PHF8: variants seen among roughly 807,000 people sequenced by gnomAD.
PHF8 encodes the protein PHD finger protein 8.
Under a neutral mutation model 74.4 loss-of-function variants are expected in PHF8, and 9 were observed. The ratio of observed to expected loss-of-function variants is 0.12; its 90% CI spans 0.07 to 0.21. PHF8 has a LOEUF of 0.21. PHF8 is among the 10% of genes least tolerant of loss of function. The pLI is 1.00. For missense variants in PHF8, 478 were observed against 816.6 expected, an observed-to-expected ratio of 0.59 and a Z score of 5.05; for synonymous variants, 311 against 316.6, an observed-to-expected ratio of 0.98 and a Z score of 0.19.
intron 9 of PHF8, 87 bp downstream of exon 9, chrX:54,002,508 T>C: frequency 1.6e-6 from 1 of 622,230 alleles, no homozygotes. Flanking sequence ...CATTCCTTTC[T>C]GGCCATGTCC....
intron 14 of PHF8, 107 bp downstream of exon 14, chrX:53,992,629 C>A: frequency 1.9e-6 from 1 of 524,805 alleles, no homozygotes. Context: ...TAAGTACAGT[C>A]CCTCCTACCC....
chrX:54,007,134 ACACAGGTGT>A (rs2065908844), intron 8 of PHF8, among the ~76,000 whole-genome samples: 1 of 111,569 alleles, frequency 9.0e-6, no homozygotes, highest in South Asian at 3.7e-4. Context: ...CAGATTTTTG[ACACAGGTGT>A]CAAGACAATT....
At chrX:53,988,866 A>G (rs2065612241) in intron 14 of PHF8, among the ~76,000 whole-genome samples, 3 of 111,197 alleles carry the variant, frequency 2.7e-5, no homozygotes, top group African/African-American at 9.8e-5. Flanking sequence ...AGTGATGCAT[A>G]TGTTAATCAG....
intron 18 of PHF8, among the ~76,000 whole-genome samples, chrX:53,984,013 ATCT>A (rs2065520465): frequency 8.9e-6 from 1 of 112,693 alleles, no homozygotes; most frequent in South Asian, 3.6e-4. Flanking sequence ...TGCTTTCTCC[ATCT>A]TCTTCTAATT....
At chrX:54,044,536 C>A (rs1255760953), upstream of PHF8, 1 of 395,101 alleles carries the variant, frequency 2.5e-6, no homozygotes, top group Admixed American at 8.9e-5. Context: ...ATCGGGGGGG[C>A]GGGGCGCCAC....
At chrX:53,960,300 C>T (rs1266232934) in intron 19 of PHF8, among the ~76,000 whole-genome samples, 6 of 107,338 alleles carry the variant, frequency 5.6e-5, no homozygotes, top group Admixed American at 1.0e-4. Context: ...TGGTCTCGAT[C>T]TCCTGACCTT....
chrX:53,938,838 C>T lies in PHF8; in HGVS notation c.*320G>A, dbSNP rs367686476. ...TCCTCATCCTGCCTTCCAGCTCTAGCGGGGGATGAAGAATAAAGAACAGAC... is the reference window on the plus strand; with the variant it reads ...TCCTCATCCTGCCTTCCAGCTCTAGTGGGGGATGAAGAATAAAGAACAGAC... On this transcript the variant is annotated 3_prime_UTR_variant, in exon 22 of 22. Transcript: ENST00000338154. The T allele has an allele frequency of 6.1e-5, 51 of 833,058 alleles. No homozygotes were observed. In the East Asian group the frequency reaches 2.0e-3, roughly 32 times the overall value. The allele number at this position is 833,058 out of a possible 1,213,427, so 68.7% of individuals were successfully genotyped here.
intron 19 of PHF8, among the ~76,000 whole-genome samples, chrX:53,947,525 C>T (rs782550884): frequency 5.4e-5 from 6 of 111,960 alleles, no homozygotes; most frequent in African/African-American, 1.3e-4. Flanking sequence ...CAAAAGTTGA[C>T]GCATAATTTT....
intron 2 of PHF8, among the ~76,000 whole-genome samples, chrX:54,040,343 C>CA (rs2066531365): frequency 9.0e-6 from 1 of 111,413 alleles, no homozygotes; most frequent in Non-Finnish European, 1.9e-5. Context: ...TTAACTCATT[C>CA]AAAAATGTAC....
intron 20 of PHF8, among the ~76,000 whole-genome samples, chrX:53,942,413 C>G (rs1350355953): frequency 8.9e-6 from 1 of 111,952 alleles, no homozygotes; most frequent in Non-Finnish European, 1.9e-5. Context: ...TAATTTAAAT[C>G]CAAGCAGGCT....
rs138118518 is a variant in PHF8 at position 54,029,562 on chromosome X, G to A, written c.99-6719C>T. On this transcript the variant is annotated intron_variant, in intron 2 of 21. Transcript: ENST00000338154. Reference sequence around the variant, plus strand: ...GGTCTCTCTCTCAACTTACCATGCAGTTTTAATATGCTATTTACTGTCACG... The same window carrying A: ...GGTCTCTCTCTCAACTTACCATGCAATTTTAATATGCTATTTACTGTCACG... Among the ~76,000 whole-genome samples the A allele has an allele frequency of 2.8e-4, 31 of 112,345 alleles. No individual in the cohort carries two copies. The East Asian group carries it at 8.7e-3, about 32-fold the overall frequency.
At chrX:54,031,882 C>T (rs782027382) in intron 2 of PHF8, among the ~76,000 whole-genome samples, 2 of 111,662 alleles carry the variant, frequency 1.8e-5, no homozygotes, top group African/African-American at 6.5e-5. Context: ...ATTCCTAGGC[C>T]CCATCCCCAG....
Position 53,938,338 on chromosome X carries a change from C to A in PHF8, c.*820G>T. 2.0e-6 allele frequency: 2 copies of A among 982,445 alleles called. No homozygotes were observed. The highest frequency in any genetic ancestry group is 6.9e-5 in the South Asian group (2 of 29,113). The allele number at this position is 982,445 out of a possible 1,213,427, so 81.0% of individuals were successfully genotyped here. ...CCAGCCACAGCCACAGCCACAGCCACGTGGATAATGTTCTACATGATTTCA... is the reference window on the plus strand; with the variant it reads ...CCAGCCACAGCCACAGCCACAGCCAAGTGGATAATGTTCTACATGATTTCA... On this transcript the variant is annotated 3_prime_UTR_variant, in exon 22 of 22. Coordinates refer to ENST00000338154, the MANE Select transcript of PHF8 (RefSeq NM_015107.3).
intron 19 of PHF8, among the ~76,000 whole-genome samples, chrX:53,944,915 A>C (rs1557084689): frequency 9.0e-6 from 1 of 111,470 alleles, no homozygotes; most frequent in African/African-American, 3.3e-5. Flanking sequence ...CCAGCTGCTC[A>C]GGAGGCTGAG....
intron 14 of PHF8, among the ~76,000 whole-genome samples, chrX:53,991,661 CAAAAAAA>C (rs1201744328): frequency 3.0e-4 from 5 of 16,754 alleles, no homozygotes; most frequent in South Asian, 7.1e-3. Flanking sequence ...GACTCTGTCT[CAAAAAAA>C]AAAAAAAAAA....
At chrX:53,943,431 G>C in intron 20 of PHF8, 1 of 1,070,966 alleles carries the variant, frequency 9.3e-7, no homozygotes, top group Non-Finnish European at 1.2e-6. Context: ...ATCACCTGTT[G>C]AACAGGGCTA....
intron 19 of PHF8, 82 bp downstream of exon 19, chrX:53,962,762 T>G: frequency 1.7e-6 from 1 of 587,183 alleles, no homozygotes; most frequent in South Asian, 2.2e-5. Flanking sequence ...AATCAGGTCT[T>G]CTGATATTAA....
chrX:54,027,166 CTCTT>C (rs1341306012), intron 2 of PHF8, among the ~76,000 whole-genome samples: 2 of 111,059 alleles, frequency 1.8e-5, no homozygotes, highest in African/African-American at 3.3e-5. Flanking sequence ...TTCAATCTCT[CTCTT>C]TCTCTTCACA....
chrX:54,034,989 C>T (rs781946585), intron 2 of PHF8, among the ~76,000 whole-genome samples: 118 of 107,865 alleles, frequency 1.1e-3, no homozygotes, highest in African/African-American at 4.0e-3. Context: ...CTGGGCAACA[C>T]AGCAAGACTC....
Sources: allele counts gnomAD v4.1 joint callset (sites outside exome capture counted in the v4.1 genomes callset), GRCh38; gene constraint gnomAD v4.1.1; transcripts MANE v1.5; gene names NCBI Gene and HGNC (gene_info 2026-07-23, HGNC 2026-07-21).